Variants in UBR3 observed in about 807,000 individuals in gnomAD.
The protein encoded by UBR3 is E3 ubiquitin-protein ligase UBR3.
Under a neutral mutation model 243.2 loss-of-function variants are expected in UBR3, and 85 were observed. The ratio of observed to expected loss-of-function variants is 0.35; its 90% confidence interval spans 0.29 to 0.42. The LOEUF (loss-of-function observed/expected upper bound fraction) is 0.42. Among genes scored for constraint, UBR3 ranks in the 10% least tolerant of loss-of-function variants. The probability of loss-of-function intolerance (pLI) is 1.00; values close to 1 mark genes in which losing one functional copy is unlikely to be tolerated. For missense variants in UBR3, 1,686 were observed against 2,300.8 expected, an observed-to-expected ratio of 0.73 and a Z score of 5.47; for synonymous variants, 748 against 799.8, an observed-to-expected ratio of 0.94 and a Z score of 1.09.
chr2:169,949,322 T>C lies in UBR3; in HGVS notation c.3085-283T>C, dbSNP rs544633224. On this transcript the variant is annotated intron_variant, in intron 22 of 38. Transcript: ENST00000272793. ...GAATAATTTAGTTTATGATTCTCTT[T>C]AATATGGCTGTAGATACTACTTAAG... Among the ~76,000 whole-genome samples the C allele has an allele frequency of 4.6e-5, 7 of 152,216 alleles. No individual in the cohort carries two copies. The South Asian group carries it at 1.2e-3, about 27-fold the overall frequency.
intron 10 of UBR3, among the ~76,000 whole-genome samples, chr2:169,911,633 T>C (rs2085257938): frequency 6.6e-6 from 1 of 152,086 alleles, no homozygotes; most frequent in Non-Finnish European, 1.5e-5. Context: ...AATTGACTTG[T>C]CACCTTTTTA....
Position 170,070,461 on chromosome 2 carries a change from G to T in UBR3, c.5020-2967G>T, listed in dbSNP as rs1383822873. Among the ~76,000 whole-genome samples the T allele has an allele frequency of 1.3e-5, 2 of 151,960 alleles. 1 individual carries two copies. Among genetic ancestry groups the T allele is most frequent in the Middle Eastern group, 6.3e-3 (2 of 316 alleles). On this transcript the variant is annotated intron_variant, in intron 35 of 38. Transcript: ENST00000272793. ...GGATGCCTGCTCTCACCACTTTTCA[G>T]CATTGTACTAAATTTTCTAGCAAGG...
chr2:170,075,339 G>A (rs1335056263), intron 36 of UBR3, among the ~76,000 whole-genome samples: 1 of 152,024 alleles, frequency 6.6e-6, no homozygotes, highest in African/African-American at 2.4e-5. Flanking sequence ...AACCTATGCA[G>A]GATGACATGG....
intron 35 of UBR3, among the ~76,000 whole-genome samples, chr2:170,067,876 C>T (rs762267021): frequency 3.5e-4 from 52 of 149,388 alleles, no homozygotes; most frequent in Non-Finnish European, 6.5e-4. Context: ...TCAAGCAATT[C>T]TTCTCCCTCA....
chr2:169,829,322 G>A (rs913405637), intron 1 of UBR3, among the ~76,000 whole-genome samples: 22 of 151,994 alleles, frequency 1.4e-4, no homozygotes, highest in African/African-American at 5.1e-4. Flanking sequence ...AGAGGAGGGA[G>A]ATGAGGTTTC....
intron 31 of UBR3, among the ~76,000 whole-genome samples, chr2:170,033,958 C>T (rs891544585): frequency 6.6e-6 from 1 of 151,016 alleles, no homozygotes; most frequent in African/African-American, 2.4e-5. Flanking sequence ...AAAAGACTAT[C>T]TAAAACTTTA....
At chr2:169,835,996 T>TCTCC (rs2082075521) in intron 1 of UBR3, among the ~76,000 whole-genome samples, 1 of 33,636 alleles carries the variant, frequency 3.0e-5, no homozygotes, top group Non-Finnish European at 6.3e-5. Context: ...GTGCACTGTC[T>TCTCC]CTCTCTCTCT....
intron 26 of UBR3, among the ~76,000 whole-genome samples, chr2:169,995,557 A>G (rs2089447689): frequency 6.6e-6 from 1 of 152,228 alleles, no homozygotes; most frequent in Non-Finnish European, 1.5e-5. Context: ...ACAGTTTCCA[A>G]GAACCTACTG....
chr2:169,935,278 A>G (rs1426756441), intron 19 of UBR3, among the ~76,000 whole-genome samples: 2 of 152,052 alleles, frequency 1.3e-5, no homozygotes, highest in Non-Finnish European at 2.9e-5. Context: ...TGATCTTCCC[A>G]TCTTACCCCC....
chr2:169,848,029 C>T (rs2082541519), intron 1 of UBR3, among the ~76,000 whole-genome samples: 1 of 152,172 alleles, frequency 6.6e-6, no homozygotes, highest in Non-Finnish European at 1.5e-5. Flanking sequence ...GTCTTCTCAG[C>T]TTCATAGAGT....
At chr2:169,899,358 T>C (rs2084722578) in intron 8 of UBR3, among the ~76,000 whole-genome samples, 1 of 152,242 alleles carries the variant, frequency 6.6e-6, no homozygotes, top group African/African-American at 2.4e-5. Context: ...TATGATCTAT[T>C]CTTTCCTAGA....
At chr2:170,007,221 G>A (rs2089945601) in intron 28 of UBR3, 31 bp downstream of exon 28, 5 of 1,552,276 alleles carry the variant, frequency 3.2e-6, no homozygotes, top group Middle Eastern at 1.8e-4. Context: ...TAAATATCCT[G>A]GTTAACTCAG....
At chr2:169,857,584 T>C (rs2082932114) in intron 1 of UBR3, among the ~76,000 whole-genome samples, 3 of 117,176 alleles carry the variant, frequency 2.6e-5, no homozygotes, top group African/African-American at 7.8e-5. Flanking sequence ...GTCTGACTAA[T>C]GTTTTTTTTT....
At chr2:169,837,536 A>C (rs1366887270) in intron 1 of UBR3, among the ~76,000 whole-genome samples, 1 of 152,214 alleles carries the variant, frequency 6.6e-6, no homozygotes, top group Non-Finnish European at 1.5e-5. Context: ...AAGAGGTTTA[A>C]TTGACTCACA....
intron 18 of UBR3, among the ~76,000 whole-genome samples, 192 bp downstream of exon 18, chr2:169,929,060 T>G (rs982356906): frequency 6.6e-6 from 1 of 152,360 alleles, no homozygotes; most frequent in African/African-American, 2.4e-5. Flanking sequence ...TCTATAGCTT[T>G]ATGTTACACT....
chr2:170,057,706 T>G (rs1458100412), intron 33 of UBR3, among the ~76,000 whole-genome samples: 3 of 152,132 alleles, frequency 2.0e-5, no homozygotes. Context: ...TGTTAGTTAT[T>G]TTTAAAAAAC....
intron 5 of UBR3, among the ~76,000 whole-genome samples, chr2:169,881,428 C>T (rs4668177): frequency 0.057 from 8,673 of 151,924 alleles, 464 homozygotes; most frequent in African/African-American, 0.14. Context: ...ATCCGCCCAC[C>T]TTGGCCTCCC....
At chr2:169,972,900 G>C (rs1265196376) in intron 24 of UBR3, among the ~76,000 whole-genome samples, 1 of 149,878 alleles carries the variant, frequency 6.7e-6, no homozygotes, top group Non-Finnish European at 1.5e-5. Flanking sequence ...ACATAGTGTT[G>C]GAAGTTCTGG....
chr2:169,976,055 A>G (rs1280575916), intron 24 of UBR3, among the ~76,000 whole-genome samples: 1 of 146,464 alleles, frequency 6.8e-6, no homozygotes, highest in African/African-American at 2.5e-5. Flanking sequence ...TTCAGTTTAT[A>G]TGTGTTTTTA....
Sources: allele counts gnomAD v4.1 joint callset (sites outside exome capture counted in the v4.1 genomes callset), GRCh38; gene constraint gnomAD v4.1.1; transcripts MANE v1.5; gene names NCBI Gene and HGNC (gene_info 2026-07-23, HGNC 2026-07-21).